DEDD: variants seen among roughly 807,000 people sequenced by gnomAD.
DEDD encodes the protein death effector domain containing, also known as death effector domain-containing protein.
Under a neutral mutation model 29.2 loss-of-function variants are expected in DEDD, and 3 were observed. The ratio of observed to expected loss-of-function variants is 0.10; its 90% CI spans 0.05 to 0.27. DEDD has a LOEUF of 0.27. Among genes scored for constraint, DEDD ranks in the 10% least tolerant of loss-of-function variants. The probability of loss-of-function intolerance (pLI) is 1.00; values close to 1 mark genes in which losing one functional copy is unlikely to be tolerated. For missense variants in DEDD, 261 were observed against 420.5 expected (o/e 0.62, Z 3.32); for synonymous variants, 152 against 161.3 (o/e 0.94, Z 0.44).
Position 161,123,708 on chromosome 1 carries a change from T to A in DEDD, c.433+131A>T, listed in dbSNP as rs1655821342. On this transcript the variant is annotated intron_variant, in intron 4 of 5. Transcript: ENST00000368006. ...CTAGGAGAAATGTCACCTCGCCTGA[T>A]TTTTTTTTTTTATGGGGCAAGATGT... 13 of 260,718 alleles carry A rather than the reference T, an allele frequency of 5.0e-5. No individual in the cohort carries two copies. In the South Asian group the frequency reaches 9.8e-4, roughly 20 times the overall value. The allele number at this position is 260,718 out of a possible 1,614,324, so 16.2% of individuals were successfully genotyped here. A position where few individuals can be genotyped will look rare whatever the true frequency, so the allele number is the denominator to read the frequency against.
chr1:161,130,425 T>C (rs1327203504), intron 2 of DEDD, among the ~76,000 whole-genome samples: 2 of 151,992 alleles, frequency 1.3e-5, no homozygotes, highest in East Asian at 3.8e-4. Context: ...CCCCAACAGC[T>C]GAAAGAGAAA....
At chr1:161,123,044 C>T (rs1288625891) in intron 5 of DEDD, 31 bp downstream of exon 5, 2 of 1,614,234 alleles carry the variant, frequency 1.2e-6, no homozygotes, top group Non-Finnish European at 8.5e-7. Context: ...TTCAAGTCTG[C>T]TCCATCTCTG....
intron 2 of DEDD, among the ~76,000 whole-genome samples, chr1:161,127,004 C>T (rs1348212196): frequency 6.6e-6 from 1 of 152,154 alleles, no homozygotes; most frequent in Non-Finnish European, 1.5e-5. Flanking sequence ...CACCATTTAT[C>T]ACCATGTACT....
intron 1 of DEDD, chr1:161,132,340 C>CGCAGTTGCCATCTCCCCT (rs1300864904): frequency 6.4e-6 from 1 of 155,640 alleles, no homozygotes; most frequent in Non-Finnish European, 1.5e-5. Flanking sequence ...TGCCCTCTCC[C>CGCAGTTGCCATCTCCCCT]GCAGTTGCCA....
In DEDD at chr1:161,123,239, G is replaced by A. The variant is rs1471422585; in HGVS notation, c.434-18C>T. 1.9e-6 allele frequency: 3 copies of A among 1,608,744 alleles called. No individual in the cohort carries two copies. Among genetic ancestry groups the A allele is most frequent in the Non-Finnish European group, 2.6e-6 (3 of 1,175,292 alleles). On this transcript the variant is annotated intron_variant, in intron 4 of 5. Coordinates refer to ENST00000368006, the MANE Select transcript of DEDD (RefSeq NM_032998.3). ...GGGAGGCACTGACCAGAAAGTAAAA[G>A]GGAAGAAAACACAGTAGGGTAAAGG...
At chr1:161,131,511 C>T (rs1010509946) in intron 1 of DEDD, among the ~76,000 whole-genome samples, 1 of 152,168 alleles carries the variant, frequency 6.6e-6, no homozygotes, top group African/African-American at 2.4e-5. Context: ...CTTCCAGAGC[C>T]TCCACCTTAG....
rs1655713708 is a variant in DEDD, at chr1:161,123,153, G to T, written c.502C>A (p.Arg168=). 1 of 1,614,122 alleles carries T rather than the reference G, an allele frequency of 6.2e-7. No homozygotes were observed. The highest frequency in any genetic ancestry group is 8.5e-7 in the Non-Finnish European group (1 of 1,180,024). ...GPQMCSKRPA[R]GRATLGSQRK... Reference sequence around the variant, plus strand: ...TGGCTCCCAAGTGTGGCTCTCCCTCGGGCTGGCCGCTTGCTACACATCTGA... The same window carrying T: ...TGGCTCCCAAGTGTGGCTCTCCCTCTGGCTGGCCGCTTGCTACACATCTGA... Residue 168 remains arginine (R), a synonymous_variant, in exon 5 of 6, where the codon CGA becomes AGA. Coordinates refer to ENST00000368006, the MANE Select transcript of DEDD (RefSeq NM_032998.3).
rs1335604563 is a variant in DEDD at position 161,122,264 on chromosome 1, G to A, written c.840C>T (p.Ser280=). 6.2e-7 allele frequency: 1 copy of A among 1,614,094 alleles called. No homozygotes were observed. Among genetic ancestry groups the A allele is most frequent in the African/African-American group, 1.3e-5 (1 of 74,926 alleles). The change falls in exon 6 of 6, where the codon TCC becomes TCT. Residue 280 remains serine (S), a synonymous_variant. Coordinates refer to ENST00000368006, the MANE Select transcript of DEDD (RefSeq NM_032998.3). The surrounding 1 kb of genome is among the most constrained non-coding windows in gnomAD (Gnocchi z 4.2). The part of the protein sequence containing the change: ...EALKGVFITD[S]LKQAVGHEAI... The stretch of plus-strand genomic sequence containing the variant: ...CTTCATGGCCCACAGCTTGCTTGAG[G>A]GAGTCTGTGATGAAGACACCTTTAA...
intron 2 of DEDD, among the ~76,000 whole-genome samples, chr1:161,130,427 AAAGAG>A (rs1380542947): frequency 1.3e-5 from 2 of 152,200 alleles, no homozygotes; most frequent in Non-Finnish European, 2.9e-5. Context: ...CCAACAGCTG[AAAGAG>A]AAAGTTAGAG....
chr1:161,128,953 A>G (rs956616415), intron 2 of DEDD, among the ~76,000 whole-genome samples: 1 of 152,130 alleles, frequency 6.6e-6, no homozygotes, highest in Non-Finnish European at 1.5e-5. Flanking sequence ...TTCTACATCC[A>G]CTTCTGCCCC....
rs933289412 is a variant in DEDD, at chr1:161,124,292, C to T, written c.171G>A (p.Glu57=). ...CACGTCCATTTCGGATGAGTCCACG[C>T]TCGTGGTCATCAATGACATCAACAA... ...FLFVDVIDDH[E]RGLIRNGRDF... The change falls in exon 3 of 6, where the codon GAG becomes GAA. Residue 57 remains glutamate, a synonymous_variant. Transcript: ENST00000368006. The T allele has an allele frequency of 6.8e-6, 11 of 1,614,130 alleles. No individual in the cohort carries two copies. In the African/African-American group the frequency reaches 1.3e-4, roughly 20 times the overall value.
At position 161,122,110 on chromosome 1, in the gene DEDD, G is replaced by A; in HGVS notation, c.*37C>T. ...AACAGTGTAAGCTCCAGAGGTGGGT[G>A]ATGGGAACAGTCCCCAAAGTGAGAA... On this transcript the variant is annotated 3_prime_UTR_variant, in exon 6 of 6. Transcript: ENST00000368006. This position sits in a 1 kb window ranked among gnomAD's most constrained non-coding sequence, Gnocchi z 4.2. 1.2e-6 allele frequency: 2 copies of A among 1,605,430 alleles called. No individual in the cohort carries two copies. Among genetic ancestry groups the A allele is most frequent in the Non-Finnish European group, 1.7e-6 (2 of 1,175,872 alleles).
intron 1 of DEDD, 155 bp downstream of exon 1, chr1:161,132,396 A>G (rs1329836926): frequency 1.4e-5 from 1 of 71,902 alleles, no homozygotes; most frequent in African/African-American, 5.9e-5. Flanking sequence ...CCCACCTCTC[A>G]GCGTCCCGTC....
Position 161,122,004 on chromosome 1 carries a change from CTTTCT to C in DEDD, c.*138_*142del, listed in dbSNP as rs1015126193. 11 of 1,168,550 alleles carry C rather than the reference CTTTCT, an allele frequency of 9.4e-6. No individual in the cohort carries two copies. Among genetic ancestry groups the C allele is most frequent in the African/African-American group, 1.6e-5 (1 of 62,866 alleles). 72.4% of individuals were successfully genotyped at this position (1,168,550 alleles called of 1,614,324 possible). ...GGAGGGGTGGGGAATACCACTTCCA[CTTTCT>C]TTTGTCTTTTTCTTTAAAAAAAAAA... On this transcript the variant is annotated 3_prime_UTR_variant, in exon 6 of 6. Transcript: ENST00000368006. The surrounding 1 kb of genome is among the most constrained non-coding windows in gnomAD (Gnocchi z 4.2).
intron 2 of DEDD, among the ~76,000 whole-genome samples, chr1:161,130,495 T>A (rs1341226519): frequency 6.6e-6 from 1 of 152,052 alleles, no homozygotes; most frequent in African/African-American, 2.4e-5. Context: ...AGGGCAACAT[T>A]TAGTAGACAA....
chr1:161,122,444 G>T lies in DEDD; in HGVS notation c.660C>A (p.Asp220Glu), dbSNP rs1464314355. Residue 220 changes from aspartate (D) to glutamate (E), a missense_variant, in exon 6 of 6, where the codon GAC (aspartate) becomes GAA (glutamate). Around this residue, in one of 2 missense-constraint regions of DEDD, gnomAD observed 58 missense variants for 151.8 expected, o/e 0.38. Coordinates refer to ENST00000368006, the MANE Select transcript of DEDD (RefSeq NM_032998.3). The surrounding 1 kb of genome is among the most constrained non-coding windows in gnomAD (Gnocchi z 4.2). ...LQGNVFSNKQ[D>E]PLERQFERFN... ...AGCGCTCAAACTGGCGCTCAAGTGG[G>T]TCCTGCTTGTTAGAGAAGACATTGC... 1 of 1,614,234 alleles carries T rather than the reference G, an allele frequency of 6.2e-7. No individual in the cohort carries two copies. Among genetic ancestry groups the T allele is most frequent in the African/African-American group, 1.3e-5 (1 of 75,056 alleles).
intron 4 of DEDD, 130 bp from the exon 5 acceptor site, chr1:161,123,351 C>T (rs1655745627): frequency 3.3e-6 from 3 of 916,240 alleles, no homozygotes; most frequent in African/African-American, 3.3e-5. Flanking sequence ...CTTGAAAAGA[C>T]ATGTGAGACC....
intron 4 of DEDD, among the ~76,000 whole-genome samples, chr1:161,123,455 C>T (rs139697409): frequency 0.014 from 2,137 of 152,052 alleles, 53 homozygotes; most frequent in African/African-American, 0.046. Context: ...CTGGCTAACA[C>T]GGTGAAACCC....
Position 161,122,084 on chromosome 1 carries a change from G to T in DEDD, c.*63C>A. Reference sequence around the variant, plus strand: ...TTGGAAGGGTAGAGAACAAACCCCAGAACAGTGTAAGCTCCAGAGGTGGGT... The same window carrying T: ...TTGGAAGGGTAGAGAACAAACCCCATAACAGTGTAAGCTCCAGAGGTGGGT... On this transcript the variant is annotated 3_prime_UTR_variant, in exon 6 of 6. Transcript: ENST00000368006. This position sits in a 1 kb window ranked among gnomAD's most constrained non-coding sequence, Gnocchi z 4.2. 1 of 1,571,524 alleles carries T rather than the reference G, an allele frequency of 6.4e-7. No individual in the cohort carries two copies. Among genetic ancestry groups the T allele is most frequent in the South Asian group, 1.1e-5 (1 of 87,002 alleles).
Sources: allele counts gnomAD v4.1 joint callset (sites outside exome capture counted in the v4.1 genomes callset), GRCh38; gene constraint gnomAD v4.1.1; regional missense constraint gnomAD v4.1.1; non-coding constraint Gnocchi (gnomAD v3.1); transcripts MANE v1.5; gene names NCBI Gene and HGNC (gene_info 2026-07-23, HGNC 2026-07-21).